Variants in EPHA5 observed in about 807,000 individuals in gnomAD.
The protein encoded by EPHA5 is EPH receptor A5, also known as ephrin type-A receptor 5.
Under a neutral mutation model 105.0 loss-of-function variants are expected in EPHA5, and 60 were observed. The ratio of observed to expected loss-of-function variants is 0.57; its 90% CI spans 0.46 to 0.71. The LOEUF is 0.71. Ranked by LOEUF, EPHA5 falls within the 30% of genes least tolerant of loss-of-function variation. The pLI is 0.00. For missense variants in EPHA5, 1,218 were observed against 1,274.7 expected (o/e 0.96, Z 0.68); for synonymous variants, 513 against 449.1 (o/e 1.14, Z -1.80).
chr4:65,596,756 C>A (rs182819144), intron 3 of EPHA5, among the ~76,000 whole-genome samples: 2 of 151,816 alleles, frequency 1.3e-5, no homozygotes, highest in African/African-American at 4.8e-5. Flanking sequence ...TCCATAATTG[C>A]CATCATTTGT....
At chr4:65,366,740 G>GA (rs570960322) in intron 9 of EPHA5, among the ~76,000 whole-genome samples, 1 of 151,644 alleles carries the variant, frequency 6.6e-6, no homozygotes, top group Non-Finnish European at 1.5e-5. Flanking sequence ...ATGGCGGAGT[G>GA]AAAAAAACAA....
chr4:65,563,690 G>A (rs1051701894), intron 3 of EPHA5, among the ~76,000 whole-genome samples: 4 of 151,876 alleles, frequency 2.6e-5, no homozygotes, highest in Non-Finnish European at 5.9e-5. Context: ...TAAAAAACTC[G>A]AAGCAAGCAC....
intron 3 of EPHA5, among the ~76,000 whole-genome samples, chr4:65,506,001 T>C (rs1405713147): frequency 1.3e-5 from 2 of 152,124 alleles, no homozygotes; most frequent in Admixed American, 1.3e-4. Context: ...CCCTCCCTGC[T>C]CTGCCCACCC....
At chr4:65,573,193 C>T (rs892844937) in intron 3 of EPHA5, among the ~76,000 whole-genome samples, 34 of 151,590 alleles carry the variant, frequency 2.2e-4, no homozygotes, top group African/African-American at 7.3e-4. Context: ...AGGTGGATCA[C>T]GAGGTCAGGA....
Position 65,495,548 on chromosome 4 carries a change from CAAA to C in EPHA5, c.911-8_911-6del. On this transcript the variant is annotated splice_polypyrimidine_tract_variant and splice_region_variant and intron_variant, in intron 3 of 16. Coordinates refer to ENST00000613740, the MANE Select transcript of EPHA5 (RefSeq NM_001281766.3). ...TGAAGAACCCAGGTCTGCACACTGT[CAAA>C]AGAAATAAGAGACTAAGCTTTTCCC... 1 of 1,604,350 alleles carries C rather than the reference CAAA, an allele frequency of 6.2e-7. No homozygotes were observed. The highest frequency in any genetic ancestry group is 1.1e-5 in the South Asian group (1 of 89,302).
At chr4:65,499,861 C>T (rs147997866) in intron 3 of EPHA5, among the ~76,000 whole-genome samples, 1 of 149,188 alleles carries the variant, frequency 6.7e-6, no homozygotes, top group Non-Finnish European at 1.5e-5. Flanking sequence ...TTGTAGTCCA[C>T]GATAAGAGAT....
intron 2 of EPHA5, among the ~76,000 whole-genome samples, chr4:65,619,207 A>G (rs1206696486): frequency 6.6e-6 from 1 of 152,188 alleles, no homozygotes; most frequent in Admixed American, 6.6e-5. Context: ...TTGTACACTT[A>G]TTGATAACAC....
rs141281063 is a variant in EPHA5, at chr4:65,320,324, TTCATCATCA to T, written c.*3781_*3789del. ...GCTAGCATTTTGATTCCATTTATTCTTCATCATCATCATCATCATCATCATCAGGATCAT... is the reference window on the plus strand; with the variant it reads ...GCTAGCATTTTGATTCCATTTATTCTTCATCATCATCATCATCAGGATCAT... On this transcript the variant is annotated 3_prime_UTR_variant, in exon 17 of 17. Coordinates refer to ENST00000613740, the MANE Select transcript of EPHA5 (RefSeq NM_001281766.3). 1 of 228,004 alleles carries T rather than the reference TTCATCATCA, an allele frequency of 4.4e-6. No individual in the cohort carries two copies. Among genetic ancestry groups the T allele is most frequent in the Non-Finnish European group, 8.7e-6 (1 of 114,922 alleles). The allele number at this position is 228,004 out of a possible 1,614,324, so 14.1% of individuals were successfully genotyped here. A position where few individuals can be genotyped will look rare whatever the true frequency, so the allele number is the denominator to read the frequency against.
At chr4:65,431,026 C>T (rs994175013) in intron 5 of EPHA5, among the ~76,000 whole-genome samples, 1 of 152,196 alleles carries the variant, frequency 6.6e-6, no homozygotes, top group Non-Finnish European at 1.5e-5. Flanking sequence ...TTTGATCTAC[C>T]ATGATGCATT....
intron 8 of EPHA5, among the ~76,000 whole-genome samples, chr4:65,368,238 A>G (rs1718114412): frequency 6.6e-6 from 1 of 152,006 alleles, no homozygotes; most frequent in Non-Finnish European, 1.5e-5. Context: ...CTCTCAATCC[A>G]TCTATTTCTA....
chr4:65,558,616 A>G (rs1578420241), intron 3 of EPHA5, among the ~76,000 whole-genome samples: 1 of 152,098 alleles, frequency 6.6e-6, no homozygotes, highest in Non-Finnish European at 1.5e-5. Flanking sequence ...ATATGTATAC[A>G]TGTGTCATGT....
chr4:65,552,112 T>C (rs1355497675), intron 3 of EPHA5, among the ~76,000 whole-genome samples: 2 of 152,174 alleles, frequency 1.3e-5, no homozygotes, highest in Non-Finnish European at 2.9e-5. Context: ...ATATTACTAA[T>C]AAAGCTGTCC....
intron 14 of EPHA5, among the ~76,000 whole-genome samples, chr4:65,342,454 C>A (rs1297812403): frequency 1.3e-5 from 2 of 151,854 alleles, no homozygotes; most frequent in Non-Finnish European, 2.9e-5. Flanking sequence ...CATACCCCTT[C>A]TTTAGTTAAT....
intron 2 of EPHA5, among the ~76,000 whole-genome samples, chr4:65,628,721 A>T (rs1252205568): frequency 6.6e-6 from 1 of 152,190 alleles, no homozygotes; most frequent in Non-Finnish European, 1.5e-5. Context: ...ACTCATGGTT[A>T]TGTCTTTAAC....
intron 11 of EPHA5, 96 bp from the exon 12 acceptor site, chr4:65,353,199 GTATA>G (rs139336386): frequency 1.3e-5 from 3 of 230,236 alleles, no homozygotes; most frequent in Non-Finnish European, 1.7e-5. Flanking sequence ...TGTCAAAATT[GTATA>G]TATATATATA....
chr4:65,647,163 C>T (rs1386933973), intron 1 of EPHA5, among the ~76,000 whole-genome samples: 3 of 151,694 alleles, frequency 2.0e-5, no homozygotes, highest in Non-Finnish European at 4.4e-5. Context: ...CCCATCTCTA[C>T]TAAAAATACA....
At chr4:65,505,989 A>G (rs753136162) in intron 3 of EPHA5, among the ~76,000 whole-genome samples, 10 of 152,030 alleles carry the variant, frequency 6.6e-5, no homozygotes, top group Non-Finnish European at 1.2e-4. Flanking sequence ...TCCGAATGCT[A>G]TCCCTCCCTG....
chr4:65,664,872 A>G (rs1749835884), intron 1 of EPHA5, among the ~76,000 whole-genome samples: 2 of 151,976 alleles, frequency 1.3e-5, no homozygotes, highest in South Asian at 4.1e-4. Flanking sequence ...AATAAGCAAG[A>G]CATGAAATTC....
At chr4:65,627,385 A>T (rs994649325) in intron 2 of EPHA5, among the ~76,000 whole-genome samples, 2 of 152,200 alleles carry the variant, frequency 1.3e-5, no homozygotes, top group African/African-American at 4.8e-5. Context: ...AATCTGTTTA[A>T]TACCATTTAA....
Sources: allele counts gnomAD v4.1 joint callset (sites outside exome capture counted in the v4.1 genomes callset), GRCh38; gene constraint gnomAD v4.1.1; transcripts MANE v1.5; gene names NCBI Gene and HGNC (gene_info 2026-07-23, HGNC 2026-07-21).